AMPD1: variants seen among roughly 807,000 people sequenced by gnomAD.
The protein encoded by AMPD1 is AMP deaminase 1.
AMPD1 carries 74 observed loss-of-function variants against 82.9 expected under a neutral mutation model. That is an observed-to-expected ratio of 0.89 (90% CI 0.74 to 1.08). AMPD1 has a LOEUF of 1.08. Ranked by LOEUF, AMPD1 falls within the 50% of genes least tolerant of loss-of-function variation. The pLI is 0.00. For missense variants in AMPD1, 881 were observed against 924.5 expected, an observed-to-expected ratio of 0.95 and a Z score of 0.61; for synonymous variants, 333 against 320.5, an observed-to-expected ratio of 1.04 and a Z score of -0.42.
At position 114,673,900 on chromosome 1, in the gene AMPD1, A is replaced by G. The variant is rs368331901; in HGVS notation, c.1974+9T>C. The G allele has an allele frequency of 5.3e-5, 85 of 1,613,328 alleles. No homozygotes were observed. Among genetic ancestry groups the G allele is most frequent in the Middle Eastern group, 1.6e-4 (1 of 6,082 alleles). ...AAATATGCTTGTATTGCCCAAGTCC[A>G]TACTATACCTTGGTAAAGTGGAATT... On this transcript the variant is annotated intron_variant, in intron 14 of 15. Coordinates refer to ENST00000520113, the MANE Select transcript of AMPD1 (RefSeq NM_000036.3).
chr1:114,675,309 A>C lies in AMPD1; in HGVS notation c.1679+221T>G, dbSNP rs1015313364. On this transcript the variant is annotated intron_variant, in intron 12 of 15. Transcript: ENST00000520113. ...ATTAGTATAAATTCCTAAACTTCCC[A>C]AAAAAAAAGGAACTGTGAAAGTTAT... 1.6e-4 allele frequency among the ~76,000 whole-genome samples: 24 copies of C among 150,964 alleles called. No homozygotes were observed. In the South Asian group the frequency reaches 1.7e-3, roughly 11 times the overall value.
At chr1:114,691,375 T>C (rs989777464) in intron 2 of AMPD1, among the ~76,000 whole-genome samples, 3 of 150,582 alleles carry the variant, frequency 2.0e-5, no homozygotes, top group Admixed American at 1.3e-4. Flanking sequence ...CTGGGCAACA[T>C]AGTGAGAACC....
chr1:114,680,225 AGTT>A (rs756217544), intron 6 of AMPD1, 31 bp downstream of exon 6: 18 of 1,558,652 alleles, frequency 1.2e-5, no homozygotes, highest in East Asian at 6.7e-5. Context: ...TTGTAGTACT[AGTT>A]GTTGTTGTTT....
At chr1:114,685,964 A>G (rs1658305264) in intron 4 of AMPD1, among the ~76,000 whole-genome samples, 1 of 152,166 alleles carries the variant, frequency 6.6e-6, no homozygotes, top group Non-Finnish European at 1.5e-5. Flanking sequence ...TGGTCATTAA[A>G]ACTATATTTG....
At position 114,678,312 on chromosome 1, in the gene AMPD1, GA is replaced by G; in HGVS notation, c.1092+20del. The G allele has an allele frequency of 6.2e-7, 1 of 1,611,904 alleles. No homozygotes were observed. Among genetic ancestry groups the G allele is most frequent in the Non-Finnish European group, 8.5e-7 (1 of 1,178,068 alleles). On this transcript the variant is annotated intron_variant, in intron 8 of 15. Coordinates refer to ENST00000520113, the MANE Select transcript of AMPD1 (RefSeq NM_000036.3). ...GGGTTCTGAGTATTAGAGTGAAACTGACATTGCCGTTTCAACCTACAGCATG... is the reference window on the plus strand; with the variant it reads ...GGGTTCTGAGTATTAGAGTGAAACTGCATTGCCGTTTCAACCTACAGCATG...
At chr1:114,690,426 A>C (rs751626316) in intron 2 of AMPD1, among the ~76,000 whole-genome samples, 1 of 152,204 alleles carries the variant, frequency 6.6e-6, no homozygotes, top group Non-Finnish European at 1.5e-5. Context: ...GACTTAGTAC[A>C]TGATGAAATG....
chr1:114,675,996 A>G lies in AMPD1; in HGVS notation c.1396T>C (p.Phe466Leu). Residue 466 changes from phenylalanine (F) to leucine (L), a missense_variant, in exon 11 of 16, where the codon TTC becomes CTC. Around this residue, in one of 2 missense-constraint regions of AMPD1, gnomAD observed 783 missense variants for 786.4 expected, o/e 1.00. Transcript: ENST00000520113. Reference protein sequence around the residue: ...MIQVPRIYDVFRSKNFLPHFG... With the variant: ...MIQVPRIYDVLRSKNFLPHFG... Reference sequence around the variant, plus strand: ...TGTGGAAGGAAATTCTTGGAACGGAACACATCACTAGAGGCAAGAATGAAG... The same window carrying G: ...TGTGGAAGGAAATTCTTGGAACGGAGCACATCACTAGAGGCAAGAATGAAG... 2 of 1,614,018 alleles carry G rather than the reference A, an allele frequency of 1.2e-6. No homozygotes were observed. Among genetic ancestry groups the G allele is most frequent in the Non-Finnish European group, 1.7e-6 (2 of 1,179,998 alleles).
rs1403492018 is a variant in AMPD1, at chr1:114,686,855, T to C, written c.271A>G (p.Thr91Ala). ...ATGTGGGACAGTTTGGTGGAAGATGTTTCACTTAGTGGAATGGACAAATTA... is the reference window on the plus strand; with the variant it reads ...ATGTGGGACAGTTTGGTGGAAGATGCTTCACTTAGTGGAATGGACAAATTA... ...TVNLSIPLSE[T>A]SSTKLSHIDE... Residue 91 changes from threonine to alanine, a missense_variant, in exon 4 of 16, where the codon ACA becomes GCA. Physicochemically the swap from Thr to Ala is moderately conservative, Grantham distance 58. Around this residue, in one of 2 missense-constraint regions of AMPD1, gnomAD observed 783 missense variants for 786.4 expected, o/e 1.00. Transcript: ENST00000520113. 2 of 1,614,164 alleles carry C rather than the reference T, an allele frequency of 1.2e-6. No homozygotes were observed. Among genetic ancestry groups the C allele is most frequent in the South Asian group, 2.2e-5 (2 of 91,078 alleles).
intron 10 of AMPD1, 80 bp from the exon 11 acceptor site, chr1:114,676,083 T>C: frequency 6.7e-7 from 1 of 1,500,248 alleles, no homozygotes; most frequent in Non-Finnish European, 9.2e-7. Flanking sequence ...AACCAGAGAA[T>C]CGAATGTCAT....
At chr1:114,682,998 C>A in intron 5 of AMPD1, 1 of 275,380 alleles carries the variant, frequency 3.6e-6, no homozygotes, top group Non-Finnish European at 7.1e-6. Flanking sequence ...TTTTTAGAAA[C>A]AAGTTTTAAA....
At position 114,679,566 on chromosome 1, in the gene AMPD1, C is replaced by A. The variant is rs1658092029; in HGVS notation, c.897+13G>T. 6.2e-7 allele frequency: 1 copy of A among 1,613,830 alleles called. No individual in the cohort carries two copies. Among genetic ancestry groups the A allele is most frequent in the East Asian group, 2.2e-5 (1 of 44,864 alleles). ...TTGCCCAGGAATTACCCCTGAGCAACTAAAATGTTTACCTTCCTGCAGTTA... is the reference window on the plus strand; with the variant it reads ...TTGCCCAGGAATTACCCCTGAGCAAATAAAATGTTTACCTTCCTGCAGTTA... On this transcript the variant is annotated intron_variant, in intron 7 of 15. Transcript: ENST00000520113.
At chr1:114,677,874 T>A (rs367641756) in intron 9 of AMPD1, 36 bp downstream of exon 9, 3 of 1,491,968 alleles carry the variant, frequency 2.0e-6, no homozygotes, top group Non-Finnish European at 2.7e-6. Flanking sequence ...TCAAGAACCA[T>A]GCCAGATACC....
intron 3 of AMPD1, among the ~76,000 whole-genome samples, chr1:114,687,717 A>C (rs1658361865): frequency 6.6e-6 from 1 of 152,148 alleles, no homozygotes. Flanking sequence ...GGATTTTCAA[A>C]GACTGCTCGG....
intron 5 of AMPD1, among the ~76,000 whole-genome samples, chr1:114,683,339 G>C (rs1455988137): frequency 6.6e-6 from 1 of 152,154 alleles, no homozygotes; most frequent in East Asian, 1.9e-4. Flanking sequence ...GGAGCAGGAA[G>C]GTGTTGAACT....
chr1:114,677,642 A>G, intron 9 of AMPD1, 128 bp from the exon 10 acceptor site: 2 of 1,297,330 alleles, frequency 1.5e-6, no homozygotes, highest in Non-Finnish European at 1.1e-6. Context: ...AATCAATCTC[A>G]AAACCACACC....
chr1:114,674,320 C>G (rs1253653420), intron 13 of AMPD1, among the ~76,000 whole-genome samples: 1 of 152,138 alleles, frequency 6.6e-6, no homozygotes, highest in African/African-American at 2.4e-5. Context: ...TTTATTTGAT[C>G]TATAATGGCC....
intron 10 of AMPD1, among the ~76,000 whole-genome samples, chr1:114,676,839 G>A (rs1255097501): frequency 6.6e-6 from 1 of 152,176 alleles, no homozygotes; most frequent in Non-Finnish European, 1.5e-5. Flanking sequence ...AGCCATCCCT[G>A]AAGGCGATGA....
At chr1:114,677,565 G>A in intron 9 of AMPD1, 51 bp from the exon 10 acceptor site, 1 of 1,610,204 alleles carries the variant, frequency 6.2e-7, no homozygotes, top group Non-Finnish European at 8.5e-7. Context: ...AAGTTCCTCT[G>A]GGGTTCTAGG....
intron 1 of AMPD1, 56 bp from the exon 2 acceptor site, chr1:114,693,503 G>A: frequency 6.6e-7 from 1 of 1,510,486 alleles, no homozygotes; most frequent in Admixed American, 1.7e-5. Flanking sequence ...CTGTAATCAT[G>A]GTGGCTATTA....
Sources: gnomAD v4.1 joint callset for allele counts (sites outside exome capture counted in the v4.1 genomes callset) on GRCh38, gnomAD v4.1.1 for gene constraint, gnomAD v4.1.1 regional missense constraint, MANE v1.5 for transcripts, NCBI Gene and HGNC (gene_info 2026-07-23, HGNC 2026-07-21) for gene names.